The following PLXNA2 variants were observed in gnomAD, a reference collection of about 807,000 sequenced individuals.
The protein encoded by PLXNA2 is plexin A2.
A neutral mutation model predicts 193.5 loss-of-function variants in PLXNA2; 91 were observed. That is an observed-to-expected ratio of 0.47 (90% confidence interval 0.40 to 0.56). The LOEUF (loss-of-function observed/expected upper bound fraction) is 0.56. Among genes scored for constraint, PLXNA2 ranks in the 20% least tolerant of loss-of-function variants. The pLI is 0.00. For synonymous variants in PLXNA2, 997 were observed against 1,027.3 expected (o/e 0.97, Z 0.56); for missense variants, 1,995 against 2,503.2 (o/e 0.80, Z 4.33).
At chr1:208,079,482 C>A in intron 11 of PLXNA2, 32 bp from the exon 12 acceptor site, 1 of 1,509,676 alleles carries the variant, frequency 6.6e-7, no homozygotes, top group Non-Finnish European at 9.0e-7. Context: ...ACAGATGAAA[C>A]CAGAAAGGGC....
intron 4 of PLXNA2, among the ~76,000 whole-genome samples, chr1:208,113,788 T>G (rs77663403): frequency 0.042 from 6,424 of 152,182 alleles, 186 homozygotes; most frequent in South Asian, 0.11. Flanking sequence ...ACCCCTGGGC[T>G]CAAGTGATCT....
Position 208,045,996 on chromosome 1 carries a change from A to G in PLXNA2, c.3377T>C (p.Val1126Ala). ...GTCGTTGTAAATTAGCAAGGATTGG[A>G]CATTGTTAAAGACAAATCCAAACTC... ...PDEFGFVFNN[V>A]QSLLIYNDTK... The change falls in exon 18 of 32, where the codon GTC becomes GCC. Residue 1126 changes from valine (V) to alanine (A), a missense_variant. By Grantham distance (64) the Val-to-Ala change is moderately conservative. This residue lies in a region of PLXNA2 where 1,291 missense variants were observed against 1,673.6 expected (regional missense o/e 0.77). Coordinates refer to ENST00000367033, the MANE Select transcript of PLXNA2 (RefSeq NM_025179.4). 6.2e-7 allele frequency: 1 copy of G among 1,614,262 alleles called. No homozygotes were observed. Among genetic ancestry groups the G allele is most frequent in the Non-Finnish European group, 8.5e-7 (1 of 1,180,044 alleles).
chr1:208,224,612 C>T (rs1671456403), intron 1 of PLXNA2, among the ~76,000 whole-genome samples: 1 of 152,070 alleles, frequency 6.6e-6, no homozygotes, highest in East Asian at 1.9e-4. Flanking sequence ...GTACCAGCTG[C>T]GTTTGCTTCA....
intron 16 of PLXNA2, 48 bp downstream of exon 16, chr1:208,051,208 A>G (rs745589306): frequency 1.9e-6 from 3 of 1,596,060 alleles, no homozygotes; most frequent in Middle Eastern, 1.9e-4. Flanking sequence ...GGCTGCAGGG[A>G]TCATGCTGGG....
chr1:208,043,125 C>T lies in PLXNA2; in HGVS notation c.3953G>A (p.Arg1318His), dbSNP rs199550486. ...DRSGIPYLDY[R>H]TYAMRVLFPG... ...GAACAGGACTCGCATAGCGTAGGTA[C>T]GATAGTCCAGGTAAGGGATTCCTGA... The change falls in exon 21 of 32, where the codon CGT (arginine) becomes CAT (histidine). Residue 1318 changes from arginine (R) to histidine (H), a missense_variant. By Grantham distance (29) the Arg-to-His change is conservative. Around this residue, in one of 3 missense-constraint regions of PLXNA2, gnomAD observed 1,291 missense variants for 1,673.6 expected, o/e 0.77. Transcript: ENST00000367033. 15 of 1,614,006 alleles carry T rather than the reference C, an allele frequency of 9.3e-6. No homozygotes were observed. The highest frequency in any genetic ancestry group is 3.3e-5 in the Admixed American group (2 of 60,012).
At chr1:208,153,473 C>T (rs1668833586) in intron 3 of PLXNA2, among the ~76,000 whole-genome samples, 1 of 152,194 alleles carries the variant, frequency 6.6e-6, no homozygotes, top group Non-Finnish European at 1.5e-5. Context: ...ATCCCAACCA[C>T]CCGGAATCTT....
rs115991681 is a variant in PLXNA2, at chr1:208,126,923, G to A, written c.1506+15406C>T. ...CACTGTGTCCTGGGCCCAGGGACAG[G>A]TGACCTTTCCAATTCAGCACCTTTA... On this transcript the variant is annotated intron_variant, in intron 4 of 31. Coordinates refer to ENST00000367033, the MANE Select transcript of PLXNA2 (RefSeq NM_025179.4). Among the ~76,000 whole-genome samples, 1,133 of 152,286 alleles carry A rather than the reference G, an allele frequency of 7.4e-3. 13 individuals carry two copies. The highest frequency in any genetic ancestry group is 0.026 in the African/African-American group (1,070 of 41,562).
At chr1:208,191,646 G>A (rs151244687) in intron 3 of PLXNA2, among the ~76,000 whole-genome samples, 35 of 152,334 alleles carry the variant, frequency 2.3e-4, no homozygotes, top group African/African-American at 7.7e-4. Context: ...CAGGCACAGA[G>A]AGGTGAGGTT....
intron 1 of PLXNA2, among the ~76,000 whole-genome samples, chr1:208,229,515 G>A (rs1431389552): frequency 1.3e-5 from 2 of 152,130 alleles, no homozygotes; most frequent in African/African-American, 2.4e-5. Flanking sequence ...GAAATGATTT[G>A]AACTAATACA....
At chr1:208,231,835 T>C (rs747965487) in intron 1 of PLXNA2, among the ~76,000 whole-genome samples, 5 of 152,170 alleles carry the variant, frequency 3.3e-5, no homozygotes, top group Admixed American at 6.5e-5. Context: ...GTTAAACATG[T>C]CACTTGGCTT....
In PLXNA2 at chr1:208,026,416, T is replaced by C. The variant is rs1425355942; in HGVS notation, c.*827A>G. The C allele has an allele frequency of 6.6e-6, 1 of 152,232 alleles. No homozygotes were observed. The highest frequency in any genetic ancestry group is 1.5e-5 in the Non-Finnish European group (1 of 68,036). 9.4% of individuals were successfully genotyped at this position (152,232 alleles called of 1,614,324 possible). On this transcript the variant is annotated 3_prime_UTR_variant, in exon 32 of 32. Coordinates refer to ENST00000367033, the MANE Select transcript of PLXNA2 (RefSeq NM_025179.4). ...AAACAAAAAACAGTAGCAAAAAGCA[T>C]TGGTACTATCTAGGTACACATCTCC...
At chr1:208,105,777 T>G (rs1326314787) in intron 4 of PLXNA2, among the ~76,000 whole-genome samples, 3 of 152,200 alleles carry the variant, frequency 2.0e-5, no homozygotes, top group African/African-American at 7.2e-5. Flanking sequence ...CTCTGAGGCC[T>G]GAGAATGGTG....
At chr1:208,045,281 G>C (rs1360592554) in intron 18 of PLXNA2, 71 bp from the exon 19 acceptor site, 21 of 1,497,018 alleles carry the variant, frequency 1.4e-5, no homozygotes, top group Non-Finnish European at 1.8e-5. Context: ...TACTTAAAAA[G>C]AGATTAAGGA....
intron 3 of PLXNA2, among the ~76,000 whole-genome samples, chr1:208,144,501 C>T (rs1035145532): frequency 1.3e-5 from 2 of 152,226 alleles, no homozygotes. Flanking sequence ...CGGGGGTCCC[C>T]GGTGGTAGAA....
intron 1 of PLXNA2, among the ~76,000 whole-genome samples, chr1:208,240,212 T>C (rs1394733461): frequency 6.6e-6 from 1 of 152,196 alleles, no homozygotes; most frequent in Non-Finnish European, 1.5e-5. Flanking sequence ...CAATTCCAGA[T>C]GGAGCAGTGT....
intron 3 of PLXNA2, among the ~76,000 whole-genome samples, chr1:208,172,688 G>A (rs940998548): frequency 6.6e-6 from 1 of 152,170 alleles, no homozygotes; most frequent in African/African-American, 2.4e-5. Flanking sequence ...TCATGTCCTT[G>A]GATGGTACTA....
chr1:208,065,851 T>C (rs1443546601), intron 12 of PLXNA2, among the ~76,000 whole-genome samples: 3 of 152,350 alleles, frequency 2.0e-5, no homozygotes, highest in Admixed American at 1.3e-4. Context: ...GGAAGAACAC[T>C]GGCCCTGTAC....
intron 29 of PLXNA2, 159 bp downstream of exon 29, chr1:208,031,431 C>A: frequency 7.6e-7 from 1 of 1,312,888 alleles, no homozygotes. Flanking sequence ...CGTGTGGGCT[C>A]TGCAGAGCAT....
chr1:208,193,946 A>C (rs538758023), intron 3 of PLXNA2, among the ~76,000 whole-genome samples: 1 of 152,078 alleles, frequency 6.6e-6, no homozygotes, highest in Non-Finnish European at 1.5e-5. Context: ...TTATTAAAAA[A>C]ATTTTTTTTA....
Sources: gnomAD v4.1 joint callset for allele counts (sites outside exome capture counted in the v4.1 genomes callset) on GRCh38, gnomAD v4.1.1 for gene constraint, gnomAD v4.1.1 regional missense constraint, MANE v1.5 for transcripts, NCBI Gene and HGNC (gene_info 2026-07-23, HGNC 2026-07-21) for gene names.